Variants in CEP112 observed in about 807,000 individuals in gnomAD.
CEP112 encodes the protein centrosomal protein 112.
CEP112 carries 127 observed loss-of-function variants against 153.0 expected under a neutral mutation model. The observed-to-expected ratio is 0.83, with a 90% CI of 0.72 to 0.96. CEP112 has a LOEUF of 0.96. CEP112 is among the 40% of genes least tolerant of loss of function. The pLI is 0.00. For synonymous variants in CEP112, 358 were observed against 374.4 expected, an observed-to-expected ratio of 0.96 and a Z score of 0.51; for missense variants, 1,089 against 1,101.2, an observed-to-expected ratio of 0.99 and a Z score of 0.16.
At chr17:66,023,609 T>C (rs1452953927) in intron 16 of CEP112, among the ~76,000 whole-genome samples, 1 of 151,932 alleles carries the variant, frequency 6.6e-6, no homozygotes, top group African/African-American at 2.4e-5. Flanking sequence ...TTCACCACCA[T>C]AAAAACACAT....
At chr17:65,655,909 G>A (rs2046040116) in intron 24 of CEP112, among the ~76,000 whole-genome samples, 3 of 152,162 alleles carry the variant, frequency 2.0e-5, no homozygotes, top group Admixed American at 2.0e-4. Context: ...ATTAATAAAT[G>A]TGGCCTTGGG....
At chr17:65,660,238 CTTT>C (rs1335124190) in intron 24 of CEP112, among the ~76,000 whole-genome samples, 7 of 101,512 alleles carry the variant, frequency 6.9e-5, no homozygotes, top group Admixed American at 4.2e-4. Context: ...CTTCCTTCCT[CTTT>C]TTTGTTTTCT....
intron 16 of CEP112, among the ~76,000 whole-genome samples, chr17:66,025,920 T>TATACACACACACACACAC (rs1555773330): frequency 8.0e-6 from 1 of 124,520 alleles, no homozygotes; most frequent in Non-Finnish European, 1.7e-5. Flanking sequence ...AAATGTGGCA[T>TATACACACACACACACAC]ACACACACAC....
intron 21 of CEP112, among the ~76,000 whole-genome samples, chr17:65,823,558 A>G (rs1015681553): frequency 6.6e-6 from 1 of 152,224 alleles, no homozygotes; most frequent in African/African-American, 2.4e-5. Flanking sequence ...GTAAAATTCT[A>G]GAAGAAAACA....
intron 23 of CEP112, among the ~76,000 whole-genome samples, chr17:65,692,570 T>C (rs2048164032): frequency 6.6e-6 from 1 of 152,082 alleles, no homozygotes; most frequent in African/African-American, 2.4e-5. Context: ...AAATTGAATA[T>C]GTTTGTGCTA....
At chr17:65,882,596 A>G (rs1269519006) in intron 20 of CEP112, among the ~76,000 whole-genome samples, 1 of 152,228 alleles carries the variant, frequency 6.6e-6, no homozygotes. Flanking sequence ...CTGATTAAGC[A>G]TCGGCACTTG....
intron 17 of CEP112, among the ~76,000 whole-genome samples, chr17:65,984,389 T>C (rs1222565410): frequency 6.6e-6 from 1 of 152,170 alleles, no homozygotes; most frequent in Admixed American, 6.5e-5. Flanking sequence ...TTATGTGAAA[T>C]CTTCTGATTT....
intron 22 of CEP112, among the ~76,000 whole-genome samples, chr17:65,750,264 G>A (rs955261652): frequency 6.6e-6 from 1 of 152,126 alleles, no homozygotes; most frequent in African/African-American, 2.4e-5. Flanking sequence ...GAAGCCTTTG[G>A]TAGAGCAAAA....
intron 4 of CEP112, among the ~76,000 whole-genome samples, chr17:66,172,189 C>T (rs533334273): frequency 1.3e-5 from 2 of 152,250 alleles, no homozygotes; most frequent in African/African-American, 4.8e-5. Flanking sequence ...CTTCCCAGTG[C>T]TAGGGGCTGG....
intron 6 of CEP112, among the ~76,000 whole-genome samples, chr17:66,112,034 T>C (rs1190057223): frequency 6.6e-6 from 1 of 152,170 alleles, no homozygotes. Context: ...CTCACACCTG[T>C]AATCCCAGCA....
intron 22 of CEP112, among the ~76,000 whole-genome samples, chr17:65,744,042 C>T (rs1030552413): frequency 8.5e-5 from 13 of 152,076 alleles, no homozygotes; most frequent in Admixed American, 2.6e-4. Context: ...GGATTACAGG[C>T]GTGAGCCACT....
intron 5 of CEP112, among the ~76,000 whole-genome samples, chr17:66,131,793 T>C (rs1568528575): frequency 6.6e-6 from 1 of 151,942 alleles, no homozygotes; most frequent in Non-Finnish European, 1.5e-5. Flanking sequence ...TGCTTTCTCT[T>C]GTAACTAAAA....
chr17:65,963,649 C>A (rs1000508401), intron 17 of CEP112, among the ~76,000 whole-genome samples: 3 of 149,806 alleles, frequency 2.0e-5, no homozygotes, highest in Admixed American at 6.7e-5. Context: ...ATATAGATAT[C>A]GATATAGATA....
chr17:65,684,848 G>C (rs2047703636), intron 24 of CEP112, among the ~76,000 whole-genome samples: 1 of 152,102 alleles, frequency 6.6e-6, no homozygotes, highest in African/African-American at 2.4e-5. Flanking sequence ...CAGTTTCTTT[G>C]CACAATGAAA....
chr17:65,911,862 C>T (rs1353726958), intron 19 of CEP112, among the ~76,000 whole-genome samples: 1 of 152,126 alleles, frequency 6.6e-6, no homozygotes, highest in Non-Finnish European at 1.5e-5. Context: ...TGGAATAATG[C>T]TCACCTAAGA....
chr17:65,663,150 A>C (rs1053380338), intron 24 of CEP112, among the ~76,000 whole-genome samples: 1 of 152,134 alleles, frequency 6.6e-6, no homozygotes, highest in African/African-American at 2.4e-5. Flanking sequence ...TGATGAACTG[A>C]ATTAATCTTG....
chr17:65,851,836 G>C lies in CEP112; in HGVS notation c.2362C>G (p.His788Asp). The part of the protein sequence containing the change: ...EKMKIELKKT[H>D]AAETEMTLEK... ...AGTGTCATCTCTGTCTCAGCAGCATGAGTCTTTTTCAGCTCTATTTTCATC... is the reference window on the plus strand; with the variant it reads ...AGTGTCATCTCTGTCTCAGCAGCATCAGTCTTTTTCAGCTCTATTTTCATC... Residue 788 changes from histidine (H) to aspartate (D), a missense_variant, in exon 21 of 27, where the codon CAT (histidine) becomes GAT (aspartate). Coordinates refer to ENST00000535342, the MANE Select transcript of CEP112 (RefSeq NM_001199165.4). 1 of 1,613,812 alleles carries C rather than the reference G, an allele frequency of 6.2e-7. No homozygotes were observed. Among genetic ancestry groups the C allele is most frequent in the South Asian group, 1.1e-5 (1 of 91,020 alleles).
chr17:65,847,180 A>G (rs2057759687), intron 21 of CEP112, among the ~76,000 whole-genome samples: 1 of 152,042 alleles, frequency 6.6e-6, no homozygotes, highest in African/African-American at 2.4e-5. Context: ...AAGTCCCTCC[A>G]TTCTGGTTCA....
intron 21 of CEP112, among the ~76,000 whole-genome samples, chr17:65,754,724 G>A (rs1375035821): frequency 6.6e-6 from 1 of 152,230 alleles, no homozygotes; most frequent in Non-Finnish European, 1.5e-5. Context: ...ACACAGGGCT[G>A]TGAGAGAACC....
Sources: allele counts gnomAD v4.1 joint callset (sites outside exome capture counted in the v4.1 genomes callset), GRCh38; gene constraint gnomAD v4.1.1; transcripts MANE v1.5; gene names NCBI Gene and HGNC (gene_info 2026-07-23, HGNC 2026-07-21).